The following RELN variants were observed in gnomAD, a reference collection of about 807,000 sequenced individuals.
RELN encodes the protein reelin.
Under a neutral mutation model 427.6 loss-of-function variants are expected in RELN, and 108 were observed. The observed-to-expected ratio is 0.25, with a 90% CI of 0.22 to 0.30. The LOEUF is 0.30. Ranked by LOEUF, RELN falls within the 10% of genes least tolerant of loss-of-function variation. The pLI is 1.00. For missense variants in RELN, 3,715 were observed against 4,302.8 expected (o/e 0.86, Z 3.82); for synonymous variants, 1,524 against 1,513.4 (o/e 1.01, Z -0.16).
chr7:103,510,813 G>A (rs752033198), intron 51 of RELN, 38 bp downstream of exon 51: 2 of 1,523,754 alleles, frequency 1.3e-6, no homozygotes, highest in Middle Eastern at 1.7e-4. Flanking sequence ...TATTGCTAAT[G>A]TATGGTTGTT....
intron 6 of RELN, among the ~76,000 whole-genome samples, chr7:103,737,453 G>C (rs1790523362): frequency 6.6e-6 from 1 of 152,276 alleles, no homozygotes; most frequent in African/African-American, 2.4e-5. Flanking sequence ...GGAGTCTTCT[G>C]TTTTTTATTA....
chr7:103,655,714 A>G (rs2117398699), intron 12 of RELN, among the ~76,000 whole-genome samples: 1 of 152,248 alleles, frequency 6.6e-6, no homozygotes, highest in Middle Eastern at 3.4e-3. Context: ...TCAGAGGGCA[A>G]GACTTTCATA....
intron 28 of RELN, among the ~76,000 whole-genome samples, chr7:103,587,467 A>C (rs898763077): frequency 3.3e-5 from 5 of 152,080 alleles, no homozygotes; most frequent in African/African-American, 9.7e-5. Context: ...TATTGGTCTA[A>C]AAAGAATTTA....
intron 46 of RELN, among the ~76,000 whole-genome samples, chr7:103,527,876 A>G (rs1266741340): frequency 5.3e-5 from 8 of 152,244 alleles, no homozygotes; most frequent in African/African-American, 1.9e-4. Flanking sequence ...CCACAATGAG[A>G]TACAACCTCA....
At chr7:103,781,848 C>A (rs1371480014) in intron 3 of RELN, among the ~76,000 whole-genome samples, 1 of 151,810 alleles carries the variant, frequency 6.6e-6, no homozygotes, top group Non-Finnish European at 1.5e-5. Flanking sequence ...ATGTAATTTA[C>A]AGCTGTCTCT....
In RELN at chr7:103,954,209, G is replaced by A. The variant is rs536190911; in HGVS notation, c.226+34922C>T. ...TGGGAGGCGGAGGTTGCAGTGAGCCGAGATCGCACCATTGCACTTCATCCT... is the reference window on the plus strand; with the variant it reads ...TGGGAGGCGGAGGTTGCAGTGAGCCAAGATCGCACCATTGCACTTCATCCT... On this transcript the variant is annotated intron_variant, in intron 1 of 64. Transcript: ENST00000428762. Among the ~76,000 whole-genome samples, 6 of 152,290 alleles carry A rather than the reference G, an allele frequency of 3.9e-5. 1 individual carries two copies. The highest frequency in any genetic ancestry group is 1.2e-4 in the African/African-American group (5 of 41,564).
intron 21 of RELN, 144 bp from the exon 22 acceptor site, chr7:103,610,951 AT>A (rs1190965482): frequency 1.5e-6 from 1 of 676,150 alleles, no homozygotes; most frequent in Non-Finnish European, 2.7e-6. Flanking sequence ...ACAATCCATG[AT>A]TTTTCTTTCC....
In RELN at chr7:103,472,863, C is replaced by T. The variant is rs755728676; in HGVS notation, c.10332G>A (p.Gly3444=). 1 of 1,613,910 alleles carries T rather than the reference C, an allele frequency of 6.2e-7. No homozygotes were observed. The highest frequency in any genetic ancestry group is 8.5e-7 in the Non-Finnish European group (1 of 1,179,866). ...GTCTTCTGTTGTAGAAATGTCTGAG[C>T]CCATGTTGTCGTGAAAAATTCATCA... ...NYMMNFSRQH[G]LRHFYNRRRR... The change falls in exon 65 of 65, where the codon GGG becomes GGA. Residue 3444 remains glycine (G), a synonymous_variant. Transcript: ENST00000428762.
chr7:103,574,175 TGTTCCACAGCCA>T lies in RELN; in HGVS notation c.4416_4427del (p.Gly1473_Thr1476del). On this transcript the variant is annotated inframe_deletion, in exon 30 of 65. Transcript: ENST00000428762. Reference sequence around the variant, plus strand: ...AGTAGAGAGATTTGCCATCGTTAAGTGTTCCACAGCCAGTTCCAACCTGGGCACCTGTTATCT... The same window carrying T: ...AGTAGAGAGATTTGCCATCGTTAAGTGTTCCAACCTGGGCACCTGTTATCT... 1.2e-6 allele frequency: 2 copies of T among 1,614,202 alleles called. No individual in the cohort carries two copies. The highest frequency in any genetic ancestry group is 1.7e-6 in the Non-Finnish European group (2 of 1,180,030).
chr7:103,536,647 T>C (rs1009879452), intron 45 of RELN, among the ~76,000 whole-genome samples: 1 of 152,254 alleles, frequency 6.6e-6, no homozygotes, highest in African/African-American at 2.4e-5. Flanking sequence ...TTGGACATTA[T>C]TGATTACTCC....
intron 2 of RELN, among the ~76,000 whole-genome samples, chr7:103,913,685 A>G (rs766166204): frequency 2.6e-5 from 4 of 152,172 alleles, no homozygotes; most frequent in Non-Finnish European, 5.9e-5. Context: ...TACCCCAAAA[A>G]TTAATGTGCT....
At chr7:103,837,208 A>G (rs532578241) in intron 2 of RELN, among the ~76,000 whole-genome samples, 4 of 152,062 alleles carry the variant, frequency 2.6e-5, no homozygotes, top group South Asian at 2.1e-4. Context: ...GTCCTGTCTC[A>G]CTCCCATGTT....
At chr7:103,646,188 C>A (rs1832792976) in intron 16 of RELN, among the ~76,000 whole-genome samples, 1 of 151,454 alleles carries the variant, frequency 6.6e-6, no homozygotes, top group Non-Finnish European at 1.5e-5. Context: ...CACAAAGTAA[C>A]AACATAATAT....
chr7:103,773,106 T>TTCTTTCTTTC, intron 4 of RELN, among the ~76,000 whole-genome samples: 1 of 35,966 alleles, frequency 2.8e-5, no homozygotes, highest in Admixed American at 3.0e-4. Flanking sequence ...CCTCTTTTCT[T>TTCTTTCTTTC]TCTTTCTTTC....
chr7:103,654,052 G>A (rs1399631747), intron 13 of RELN, 41 bp downstream of exon 13: 6 of 1,148,080 alleles, frequency 5.2e-6, no homozygotes, highest in Admixed American at 5.1e-5. Context: ...GTCCAGGGTG[G>A]TCTGAGGTGG....
intron 5 of RELN, 92 bp from the exon 6 acceptor site, chr7:103,749,596 T>G (rs1259632090): frequency 1.1e-6 from 1 of 921,210 alleles, no homozygotes; most frequent in African/African-American, 1.6e-5. Flanking sequence ...TTATGAAGAA[T>G]AATGTATCCT....
At chr7:103,905,322 C>T (rs1795177083) in intron 2 of RELN, among the ~76,000 whole-genome samples, 1 of 152,108 alleles carries the variant, frequency 6.6e-6, no homozygotes, top group Non-Finnish European at 1.5e-5. Context: ...CACTGTCCTA[C>T]CTGCAAATAT....
intron 7 of RELN, 54 bp from the exon 8 acceptor site, chr7:103,723,245 G>A (rs1790122439): frequency 7.3e-6 from 8 of 1,093,106 alleles, no homozygotes; most frequent in Non-Finnish European, 9.9e-6. Context: ...AGAAAGAGGA[G>A]AAAGATGCTG....
At chr7:103,872,029 TATTTTTC>T (rs1352220500) in intron 2 of RELN, among the ~76,000 whole-genome samples, 9 of 75,296 alleles carry the variant, frequency 1.2e-4, no homozygotes, top group Admixed American at 1.4e-4. Flanking sequence ...TATATATATA[TATTTTTC>T]TTTTTTCTTT....
Sources: allele counts gnomAD v4.1 joint callset (sites outside exome capture counted in the v4.1 genomes callset), GRCh38; gene constraint gnomAD v4.1.1; transcripts MANE v1.5; gene names NCBI Gene and HGNC (gene_info 2026-07-23, HGNC 2026-07-21).